Variants in C2orf76 observed in about 807,000 individuals in gnomAD.
The protein encoded by C2orf76 is chromosome 2 open reading frame 76, also known as UPF0538 protein C2orf76.
Under a neutral mutation model 16.9 loss-of-function variants are expected in C2orf76, and 23 were observed. The observed-to-expected ratio is 1.36, with a 90% confidence interval of 0.98 to 1.93. The LOEUF is 1.93. C2orf76 is among the 30% of genes most tolerant of loss of function. C2orf76 has a pLI of 0.00. For synonymous variants in C2orf76, 48 were observed against 52.3 expected, an observed-to-expected ratio of 0.92 and a Z score of 0.35; for missense variants, 152 against 152.6, an observed-to-expected ratio of 1.00 and a Z score of 0.02.
At chr2:119,322,661 C>A (rs1346735006) in intron 2 of C2orf76, among the ~76,000 whole-genome samples, 1 of 151,950 alleles carries the variant, frequency 6.6e-6, no homozygotes, top group Admixed American at 6.6e-5. Flanking sequence ...TCATAATATG[C>A]CCAAACAATG....
intron 3 of C2orf76, among the ~76,000 whole-genome samples, chr2:119,320,129 G>A (rs970749054): frequency 2.6e-5 from 4 of 152,064 alleles, no homozygotes; most frequent in Non-Finnish European, 4.4e-5. Flanking sequence ...ATATTCTAAC[G>A]CTTTCATTAT....
intron 2 of C2orf76, among the ~76,000 whole-genome samples, chr2:119,327,577 G>A (rs1340219611): frequency 6.6e-6 from 1 of 151,946 alleles, no homozygotes; most frequent in Non-Finnish European, 1.5e-5. Flanking sequence ...TAGTTCACGT[G>A]AGATCCGGCT....
chr2:119,354,854 G>C (rs1003454000), intron 1 of C2orf76, among the ~76,000 whole-genome samples: 1 of 152,184 alleles, frequency 6.6e-6, no homozygotes, highest in Non-Finnish European at 1.5e-5. Flanking sequence ...CTGCTGACTG[G>C]CACATGCTTC....
At chr2:119,341,138 T>A (rs769368826) in intron 1 of C2orf76, among the ~76,000 whole-genome samples, 2 of 152,150 alleles carry the variant, frequency 1.3e-5, no homozygotes, top group Non-Finnish European at 2.9e-5. Context: ...TAGACTATTA[T>A]GCACAGCAGT....
intron 2 of C2orf76, among the ~76,000 whole-genome samples, chr2:119,338,450 GTTCAT>G (rs1679920387): frequency 6.6e-6 from 1 of 152,150 alleles, no homozygotes; most frequent in Admixed American, 6.5e-5. Flanking sequence ...GAGATTTAGA[GTTCAT>G]TTCCTTTGTC....
chr2:119,306,463 CACTT>C lies in C2orf76; in HGVS notation c.305-3919_305-3916del, dbSNP rs1355469146. On this transcript the variant is annotated intron_variant, in intron 5 of 5. Coordinates refer to ENST00000334816, the MANE Select transcript of C2orf76 (RefSeq NM_001322331.2). ...GCCGAGAATGCTTCCCTCAGATAAA[CACTT>C]AGAGTTTGGCCGCTGTATCTTGTTT... 2.6e-5 allele frequency among the ~76,000 whole-genome samples: 4 copies of C among 152,092 alleles called. No individual in the cohort carries two copies. The East Asian group carries it at 5.8e-4, about 22-fold the overall frequency.
chr2:119,306,979 G>A (rs1678809760), intron 5 of C2orf76, among the ~76,000 whole-genome samples: 2 of 151,838 alleles, frequency 1.3e-5, no homozygotes, highest in Non-Finnish European at 1.5e-5. Context: ...CGATAAATTT[G>A]TTACCCTGGC....
At chr2:119,292,949 C>T in the C2orf76 span, among the ~76,000 whole-genome samples, 2 of 150,620 alleles carry the variant, frequency 1.3e-5, no homozygotes, top group African/African-American at 4.8e-5. Context: ...GCAGGAGAAT[C>T]GCTTGAACTC....
chr2:119,306,345 G>A (rs999554739), intron 5 of C2orf76, among the ~76,000 whole-genome samples: 1 of 152,294 alleles, frequency 6.6e-6, no homozygotes, highest in East Asian at 1.9e-4. Flanking sequence ...AGGCGTGAAC[G>A]ACAGGGTTCC....
intron 1 of C2orf76, among the ~76,000 whole-genome samples, chr2:119,363,576 T>A (rs1208765754): frequency 1.3e-5 from 2 of 152,320 alleles, no homozygotes; most frequent in Non-Finnish European, 1.5e-5. Flanking sequence ...ATAGTAACTC[T>A]AGTTACTAGA....
chr2:119,318,758 T>C (rs1308638524), intron 3 of C2orf76, among the ~76,000 whole-genome samples: 1 of 152,068 alleles, frequency 6.6e-6, no homozygotes, highest in Non-Finnish European at 1.5e-5. Flanking sequence ...ACTCCTGACC[T>C]CAGGTGATCT....
At chr2:119,318,870 A>G (rs1679259714) in intron 3 of C2orf76, among the ~76,000 whole-genome samples, 1 of 152,162 alleles carries the variant, frequency 6.6e-6, no homozygotes, top group Non-Finnish European at 1.5e-5. Flanking sequence ...GTAACTCTGT[A>G]TTCCTAAGAA....
Position 119,302,427 on chromosome 2 carries a change from A to T in C2orf76, c.*45T>A. On this transcript the variant is annotated 3_prime_UTR_variant, in exon 6 of 6. Coordinates refer to ENST00000334816, the MANE Select transcript of C2orf76 (RefSeq NM_001322331.2). ...ATTTCAAAAATTCAGCAGTGGAATA[A>T]AGAGCTTAATACAGGTATGCAAAAA... is the stretch of plus-strand genomic sequence containing the variant. 1 of 748,938 alleles carries T rather than the reference A, an allele frequency of 1.3e-6. No individual in the cohort carries two copies. The highest frequency in any genetic ancestry group is 1.8e-5 in the African/African-American group (1 of 54,168). 46.4% of individuals were successfully genotyped at this position (748,938 alleles called of 1,614,324 possible).
the C2orf76 span, among the ~76,000 whole-genome samples, chr2:119,289,698 A>AC: frequency 6.6e-6 from 1 of 151,508 alleles, no homozygotes; most frequent in Non-Finnish European, 1.5e-5. Flanking sequence ...AAAAAAAAAA[A>AC]AAGTGCAGGG....
intron 2 of C2orf76, among the ~76,000 whole-genome samples, chr2:119,333,317 A>G (rs1366784873): frequency 1.3e-5 from 2 of 152,222 alleles, no homozygotes; most frequent in Admixed American, 6.5e-5. Flanking sequence ...TCAACCACCA[A>G]TGATTCAGAT....
At chr2:119,305,942 CAAAAAAA>C (rs61325292) in intron 5 of C2orf76, among the ~76,000 whole-genome samples, 1 of 119,650 alleles carries the variant, frequency 8.4e-6, no homozygotes, top group East Asian at 2.3e-4. Flanking sequence ...AAAACAACAA[CAAAAAAA>C]AAAAAAAACA....
intron 1 of C2orf76, among the ~76,000 whole-genome samples, chr2:119,359,813 G>C (rs957202843): frequency 6.6e-6 from 1 of 152,134 alleles, no homozygotes; most frequent in South Asian, 2.1e-4. Flanking sequence ...TCTCCCTGTC[G>C]CCTAGGCTGG....
chr2:119,316,982 T>C (rs1573632414), intron 4 of C2orf76, among the ~76,000 whole-genome samples: 2 of 152,336 alleles, frequency 1.3e-5, no homozygotes, highest in East Asian at 1.9e-4. Flanking sequence ...TTGCAGGCCA[T>C]GGCCTTGGTG....
At chr2:119,349,611 C>G (rs1331626198) in intron 1 of C2orf76, among the ~76,000 whole-genome samples, 1 of 152,152 alleles carries the variant, frequency 6.6e-6, no homozygotes, top group Non-Finnish European at 1.5e-5. Flanking sequence ...AAGCCTCTAC[C>G]ACACCTCTCC....
Sources: gnomAD v4.1 joint callset for allele counts (sites outside exome capture counted in the v4.1 genomes callset) on GRCh38, gnomAD v4.1.1 for gene constraint, MANE v1.5 for transcripts, NCBI Gene and HGNC (gene_info 2026-07-23, HGNC 2026-07-21) for gene names.